Variants in FAM174A observed in about 807,000 individuals in gnomAD.
FAM174A encodes the protein membrane protein FAM174A.
In FAM174A, 14 loss-of-function variants were observed where a neutral mutation model predicts 14.3. The observed-to-expected ratio is 0.98, with a 90% CI of 0.65 to 1.53. The LOEUF (loss-of-function observed/expected upper bound fraction) is 1.53, where lower values mean the gene tolerates loss of function less well. FAM174A is among the 40% of genes most tolerant of loss of function. FAM174A has a pLI of 0.00. For synonymous variants in FAM174A, 108 were observed against 111.4 expected, an observed-to-expected ratio of 0.97 and a Z score of 0.19; for missense variants, 241 against 249.6, an observed-to-expected ratio of 0.97 and a Z score of 0.23.
At chr5:100,539,931 C>T (rs547341778) in intron 1 of FAM174A, among the ~76,000 whole-genome samples, 1 of 152,296 alleles carries the variant, frequency 6.6e-6, no homozygotes, top group South Asian at 2.1e-4. Context: ...TATTGATCAT[C>T]ATATTTGTGC....
rs764335603 is a variant in FAM174A at position 100,535,520 on chromosome 5, G to C, written c.-11G>C. On this transcript the variant is annotated 5_prime_UTR_variant, in exon 1 of 3. Transcript: ENST00000312637. Reference sequence around the variant, plus strand: ...GCGGCTCCCGGGTGGTGAGAGAGCGGTCCGGGAACGATGAAGGCCTCGCAG... The same window carrying C: ...GCGGCTCCCGGGTGGTGAGAGAGCGCTCCGGGAACGATGAAGGCCTCGCAG... The C allele has an allele frequency of 6.2e-7, 1 of 1,611,552 alleles. No homozygotes were observed. Among genetic ancestry groups the C allele is most frequent in the Non-Finnish European group, 8.5e-7 (1 of 1,179,200 alleles).
chr5:100,571,691 T>TATATATACAC (rs1320690709), intron 2 of FAM174A, among the ~76,000 whole-genome samples: 1 of 146,602 alleles, frequency 6.8e-6, no homozygotes, highest in African/African-American at 2.5e-5. Flanking sequence ...TATATATATA[T>TATATATACAC]ACACACACAC....
chr5:100,580,864 C>G (rs974599264), intron 2 of FAM174A, among the ~76,000 whole-genome samples: 6 of 152,016 alleles, frequency 3.9e-5, no homozygotes, highest in African/African-American at 1.2e-4. Flanking sequence ...GTTAACAGAC[C>G]CACTAAGATT....
intron 2 of FAM174A, among the ~76,000 whole-genome samples, chr5:100,567,506 T>A (rs1211424240): frequency 6.6e-6 from 1 of 151,928 alleles, no homozygotes; most frequent in Non-Finnish European, 1.5e-5. Flanking sequence ...GGAGCATATA[T>A]TCATGCGTTA....
intron 2 of FAM174A, among the ~76,000 whole-genome samples, chr5:100,568,272 T>C (rs1746705337): frequency 6.6e-6 from 1 of 151,904 alleles, no homozygotes; most frequent in Non-Finnish European, 1.5e-5. Flanking sequence ...CTCGGTCCCA[T>C]GTTTTTTAAG....
chr5:100,581,255 G>A (rs1260493373), intron 2 of FAM174A: 12 of 483,926 alleles, frequency 2.5e-5, no homozygotes, highest in Non-Finnish European at 3.2e-5. Flanking sequence ...GAGTCAACCA[G>A]TCTACCTTCT....
chr5:100,582,425 T>G (rs1245917920), intron 2 of FAM174A, among the ~76,000 whole-genome samples: 2 of 152,074 alleles, frequency 1.3e-5, no homozygotes, highest in African/African-American at 4.8e-5. Flanking sequence ...TAAATGTTAT[T>G]GATGATTATA....
At chr5:100,564,419 C>G (rs1746595262) in intron 2 of FAM174A, among the ~76,000 whole-genome samples, 1 of 151,636 alleles carries the variant, frequency 6.6e-6, no homozygotes, top group Non-Finnish European at 1.5e-5. Flanking sequence ...AATGCTTATG[C>G]TATGAAAGAA....
intron 2 of FAM174A, among the ~76,000 whole-genome samples, chr5:100,566,141 G>GATTATAT (rs1554047541): frequency 9.8e-5 from 8 of 81,810 alleles, no homozygotes; most frequent in African/African-American, 3.3e-4. Flanking sequence ...TGAAAAGTAT[G>GATTATAT]ATATATATAT....
chr5:100,551,269 C>T (rs1746257192), intron 1 of FAM174A, among the ~76,000 whole-genome samples: 1 of 152,164 alleles, frequency 6.6e-6, no homozygotes, highest in Non-Finnish European at 1.5e-5. Context: ...AGCAAAGTGG[C>T]TTGACATCTT....
intron 1 of FAM174A, among the ~76,000 whole-genome samples, chr5:100,545,147 C>A (rs1746139269): frequency 6.6e-6 from 1 of 152,078 alleles, no homozygotes; most frequent in African/African-American, 2.4e-5. Context: ...GCATTTGATT[C>A]TAATTTTATC....
chr5:100,571,672 G>GTATATATATATATATATATATATATA (rs529767869), intron 2 of FAM174A, among the ~76,000 whole-genome samples: 1 of 136,650 alleles, frequency 7.3e-6, no homozygotes, highest in Non-Finnish European at 1.6e-5. Flanking sequence ...GTGTGTGTGT[G>GTATATATATATATATATATATATATA]TATATATATA....
At chr5:100,582,228 CATG>C (rs1747033579) in intron 2 of FAM174A, among the ~76,000 whole-genome samples, 1 of 151,608 alleles carries the variant, frequency 6.6e-6, no homozygotes, top group African/African-American at 2.4e-5. Flanking sequence ...CTAAGTGTTA[CATG>C]TTTTTTTTTA....
chr5:100,576,390 A>G (rs576836871), intron 2 of FAM174A, among the ~76,000 whole-genome samples: 3 of 152,254 alleles, frequency 2.0e-5, no homozygotes, highest in Non-Finnish European at 4.4e-5. Context: ...TGATAAGAGG[A>G]TCATACTAGC....
At chr5:100,577,583 A>G (rs1273976839) in intron 2 of FAM174A, among the ~76,000 whole-genome samples, 1 of 152,162 alleles carries the variant, frequency 6.6e-6, no homozygotes, top group Non-Finnish European at 1.5e-5. Flanking sequence ...ACAGTTATCA[A>G]TTTGAAAATA....
intron 2 of FAM174A, among the ~76,000 whole-genome samples, chr5:100,582,474 GTT>G (rs141863119): frequency 1.4e-5 from 2 of 143,586 alleles, no homozygotes; most frequent in Admixed American, 7.0e-5. Flanking sequence ...TGCACATTTT[GTT>G]TTTTTTTTTA....
intron 1 of FAM174A, among the ~76,000 whole-genome samples, chr5:100,556,473 A>G (rs568783081): frequency 3.3e-4 from 50 of 152,178 alleles, no homozygotes; most frequent in African/African-American, 8.9e-4. Flanking sequence ...TTCCAGTTCT[A>G]TGAAGAAAGT....
chr5:100,558,980 A>G (rs575855094), intron 1 of FAM174A, among the ~76,000 whole-genome samples: 19 of 152,214 alleles, frequency 1.2e-4, no homozygotes, highest in African/African-American at 4.6e-4. Flanking sequence ...TCCTGTCATT[A>G]TGATGTTAGC....
intron 1 of FAM174A, 74 bp from the exon 2 acceptor site, chr5:100,561,980 A>G: frequency 1.2e-6 from 1 of 844,866 alleles, no homozygotes; most frequent in Non-Finnish European, 1.7e-6. Context: ...ACAGAATAAT[A>G]ATTTATTTTA....
Sources: gnomAD v4.1 joint callset for allele counts (sites outside exome capture counted in the v4.1 genomes callset) on GRCh38, gnomAD v4.1.1 for gene constraint, MANE v1.5 for transcripts, NCBI Gene and HGNC (gene_info 2026-07-23, HGNC 2026-07-21) for gene names.